The following WNK3 variants were observed in gnomAD, a reference collection of about 807,000 sequenced individuals.
WNK3 encodes WNK lysine deficient protein kinase 3.
In WNK3, 18 loss-of-function variants were observed where a neutral mutation model predicts 116.7. The observed-to-expected ratio is 0.15, with a 90% CI of 0.11 to 0.23. WNK3 has a LOEUF of 0.23. Among genes scored for constraint, WNK3 ranks in the 10% least tolerant of loss-of-function variants. The probability of loss-of-function intolerance (pLI) is 1.00; values close to 1 mark genes in which losing one functional copy is unlikely to be tolerated. For missense variants in WNK3, 993 were observed against 1,323.8 expected (o/e 0.75, Z 3.88); for synonymous variants, 404 against 469.4 (o/e 0.86, Z 1.80).
intron 22 of WNK3, among the ~76,000 whole-genome samples, chrX:54,209,771 G>C (rs190442039): frequency 9.1e-6 from 1 of 109,518 alleles, no homozygotes; most frequent in African/African-American, 3.3e-5. Context: ...AGCTGGTCTC[G>C]AACTCCTAAC....
chrX:54,344,943 CAA>C (rs782685356), intron 1 of WNK3, among the ~76,000 whole-genome samples: 9 of 46,454 alleles, frequency 1.9e-4, no homozygotes, highest in Non-Finnish European at 1.2e-4. Context: ...GACTCCCTCT[CAA>C]AAAAAAAAAA....
At chrX:54,253,187 A>T (rs868955296) in intron 13 of WNK3, among the ~76,000 whole-genome samples, 4 of 98,501 alleles carry the variant, frequency 4.1e-5, no homozygotes, top group South Asian at 4.3e-4. Context: ...CACAAAAATT[A>T]AAAAAAAAAA....
At position 54,333,797 on chromosome X, in the gene WNK3, A is replaced by T; in HGVS notation, c.-119-5T>A. 1 of 469,524 alleles carries T rather than the reference A, an allele frequency of 2.1e-6. No individual in the cohort carries two copies. The highest frequency in any genetic ancestry group is 3.5e-6 in the Non-Finnish European group (1 of 286,624). 38.7% of individuals were successfully genotyped at this position (469,524 alleles called of 1,213,427 possible). A position where few individuals can be genotyped will look rare whatever the true frequency, so the allele number is the denominator to read the frequency against. ...GTCATGTATTTCCATAGCAACCTGA[A>T]GGGGGGGAAAAAGATATTTTAAAAT... On this transcript the variant is annotated splice_polypyrimidine_tract_variant and splice_region_variant and intron_variant, in intron 1 of 23. Coordinates refer to ENST00000354646, the Ensembl canonical transcript of WNK3.
exon 12 of WNK3, chrX:54,255,845 G>A: frequency 8.3e-7 from 1 of 1,205,518 alleles, no homozygotes. Context: ...GGTTATCAGG[G>A]CTACTGACGT....
chrX:54,224,521 G>A (rs2067809096), intron 22 of WNK3, among the ~76,000 whole-genome samples: 1 of 109,697 alleles, frequency 9.1e-6, no homozygotes, highest in Non-Finnish European at 1.9e-5. Context: ...AATACACAAC[G>A]CAAAATTGAC....
At chrX:54,297,744 C>T in intron 7 of WNK3, among the ~76,000 whole-genome samples, 1 of 110,945 alleles carries the variant, frequency 9.0e-6, no homozygotes. Flanking sequence ...TACACTGTCA[C>T]AGCGATATAG....
intron 10 of WNK3, among the ~76,000 whole-genome samples, chrX:54,292,533 C>T (rs1198829689): frequency 2.7e-5 from 3 of 109,400 alleles, no homozygotes; most frequent in South Asian, 8.0e-4. Context: ...GGAGAAACCC[C>T]GTTTCTACTA....
chrX:54,269,200 A>G (rs2068351269), intron 10 of WNK3, among the ~76,000 whole-genome samples: 1 of 111,857 alleles, frequency 8.9e-6, no homozygotes, highest in Non-Finnish European at 1.9e-5. Context: ...CAATACTGTC[A>G]AGAAAGACAG....
rs1557156180 is a variant in WNK3 at position 54,259,212 on chromosome X, A to C, written c.2102+62T>G. 6 of 757,696 alleles carry C rather than the reference A, an allele frequency of 7.9e-6. No homozygotes were observed. The East Asian group carries it at 2.0e-4, about 26-fold the overall frequency. 62.4% of individuals were successfully genotyped at this position (757,696 alleles called of 1,213,427 possible). ...CTAGTCAGGATGCACTAAGCACCTA[A>C]TGAGTAAACAAACTTCAGCATATCC... On this transcript the variant is annotated intron_variant, in intron 11 of 23. Transcript: ENST00000354646.
intron 5 of WNK3, among the ~76,000 whole-genome samples, chrX:54,302,520 C>G (rs2068768527): frequency 9.1e-6 from 1 of 109,499 alleles, no homozygotes; most frequent in Non-Finnish European, 1.9e-5. Context: ...TGACTGGTCT[C>G]AAACTCCTGA....
intron 10 of WNK3, among the ~76,000 whole-genome samples, chrX:54,292,411 A>C (rs2068648026): frequency 9.0e-6 from 1 of 111,493 alleles, no homozygotes; most frequent in African/African-American, 3.3e-5. Context: ...ACACATTAAG[A>C]GGAACATCTT....
At chrX:54,298,340 C>T (rs1557166784) in exon 7 of WNK3, 1 of 1,209,471 alleles carries the variant, frequency 8.3e-7, no homozygotes, top group South Asian at 1.8e-5. Flanking sequence ...ACTCCACCCT[C>T]AGTCCTGTAT....
Position 54,225,620 on chromosome X carries a change from CAAAAAAA to C in WNK3, c.4870+3087_4870+3093del, listed in dbSNP as rs781823865. Reference sequence around the variant, plus strand: ...TGGGCAACAGAGAGAGACTCTGTTTCAAAAAAAAAAAAAAAAAGAAAGAAAGAAATTT... The same window carrying C: ...TGGGCAACAGAGAGAGACTCTGTTTCAAAAAAAAAAGAAAGAAAGAAATTT... On this transcript the variant is annotated intron_variant, in intron 22 of 23. Transcript: ENST00000354646. 2.0e-4 allele frequency among the ~76,000 whole-genome samples: 10 copies of C among 50,901 alleles called. No homozygotes were observed. In the South Asian group the frequency reaches 3.5e-3, roughly 18 times the overall value. 44.2% of individuals were successfully genotyped at this position (50,901 alleles called of 115,157 possible).
rs782237771 is a variant in WNK3 at position 54,234,744 on chromosome X, TGAACCCAGGAGGCA to T, written c.4629-1738_4629-1725del. On this transcript the variant is annotated intron_variant, in intron 20 of 23. Coordinates refer to ENST00000354646, the Ensembl canonical transcript of WNK3. ...GGGAGGCTGAGGCAGGAGAATGGCG[TGAACCCAGGAGGCA>T]GAGCTTGCAGTGAGCCGAGATCACG... Among the ~76,000 whole-genome samples the T allele has an allele frequency of 5.7e-3, 609 of 106,850 alleles. 4 individuals carry two copies. The highest frequency in any genetic ancestry group is 0.02 in the African/African-American group (581 of 29,157). 92.8% of individuals were successfully genotyped at this position (106,850 alleles called of 115,157 possible).
At position 54,314,799 on chromosome X, in the gene WNK3, T is replaced by C. The variant is rs377201445; in HGVS notation, c.538-3508A>G. Among the ~76,000 whole-genome samples, 11 of 111,352 alleles carry C rather than the reference T, an allele frequency of 9.9e-5. 1 individual carries two copies. The highest frequency in any genetic ancestry group is 2.9e-4 in the African/African-American group (9 of 30,694). On this transcript the variant is annotated intron_variant, in intron 2 of 23. Coordinates refer to ENST00000354646, the Ensembl canonical transcript of WNK3. Reference sequence around the variant, plus strand: ...TGCTGTCTCAAAAAACAAAGAGATATATAATATTTTTCCTTTTTTACTAGT... The same window carrying C: ...TGCTGTCTCAAAAAACAAAGAGATACATAATATTTTTCCTTTTTTACTAGT...
rs782303996 is a variant in WNK3, at chrX:54,311,109, G to A, written c.710+10C>T. ...ATAAAACTACATTGGCACTATCAGGGTCAACTTACGTCTTTAAGGTCCCAG... is the reference window on the plus strand; with the variant it reads ...ATAAAACTACATTGGCACTATCAGGATCAACTTACGTCTTTAAGGTCCCAG... On this transcript the variant is annotated intron_variant, in intron 3 of 23. Transcript: ENST00000354646. 1.8e-6 allele frequency: 2 copies of A among 1,121,591 alleles called. No individual in the cohort carries two copies. Among genetic ancestry groups the A allele is most frequent in the South Asian group, 2.1e-5 (1 of 47,523 alleles). 92.4% of individuals were successfully genotyped at this position (1,121,591 alleles called of 1,213,427 possible). A position where few individuals can be genotyped will look rare whatever the true frequency, so the allele number is the denominator to read the frequency against.
In WNK3 at chrX:54,243,420, CAAAAAAAAAA is replaced by C. The variant is rs782696727; in HGVS notation, c.3652-4331_3652-4322del. 5.3e-4 allele frequency among the ~76,000 whole-genome samples: 9 copies of C among 16,833 alleles called. No homozygotes were observed. The East Asian group carries it at 0.019, about 36-fold the overall frequency. The allele number at this position is 16,833 out of a possible 115,157, so 14.6% of individuals were successfully genotyped here. A position where few individuals can be genotyped will look rare whatever the true frequency, so the allele number is the denominator to read the frequency against. On this transcript the variant is annotated intron_variant, in intron 17 of 23. Transcript: ENST00000354646. ...TGGGCGAAAGTGCGAGACTCCGTCT[CAAAAAAAAAA>C]AAAAAAAAAAAAAAGAATTCTTACA...
intron 10 of WNK3, among the ~76,000 whole-genome samples, chrX:54,262,338 C>T (rs1557156823): frequency 8.9e-6 from 1 of 111,867 alleles, no homozygotes; most frequent in East Asian, 2.8e-4. Flanking sequence ...GGATAACTAA[C>T]TTACTGCCAA....
At chrX:54,249,962 C>A (rs2068111635) in intron 16 of WNK3, 32 bp downstream of exon 16, 1 of 1,175,879 alleles carries the variant, frequency 8.5e-7, no homozygotes, top group Admixed American at 2.6e-5. Flanking sequence ...TCCTTTGAGT[C>A]TGGACAAAGC....
Sources: gnomAD v4.1 joint callset for allele counts (sites outside exome capture counted in the v4.1 genomes callset) on GRCh38, gnomAD v4.1.1 for gene constraint, MANE v1.5 for transcripts, NCBI Gene and HGNC (gene_info 2026-07-23, HGNC 2026-07-21) for gene names.